MYT1L: variants seen among roughly 807,000 people sequenced by gnomAD.
The protein encoded by MYT1L is myelin transcription factor 1 like.
Under a neutral mutation model 126.7 loss-of-function variants are expected in MYT1L, and 12 were observed. That is an observed-to-expected ratio of 0.09 (90% confidence interval 0.06 to 0.15). The LOEUF (loss-of-function observed/expected upper bound fraction) is 0.15. Ranked by LOEUF, MYT1L falls within the 10% of genes least tolerant of loss-of-function variation. The pLI is 1.00. For missense variants in MYT1L, 979 were observed against 1,585.2 expected (o/e 0.62, Z 6.49); for synonymous variants, 541 against 604.2 (o/e 0.90, Z 1.53).
At chr2:2,164,244 ATTATTTGTC>A (rs1466349643) in intron 3 of MYT1L, among the ~76,000 whole-genome samples, 2 of 151,898 alleles carry the variant, frequency 1.3e-5, no homozygotes, top group Non-Finnish European at 2.9e-5. Context: ...TTATGTCCAT[ATTATTTGTC>A]TTCTGAACCC....
chr2:2,208,174 G>A (rs570113142), intron 2 of MYT1L, among the ~76,000 whole-genome samples: 1 of 152,186 alleles, frequency 6.6e-6, no homozygotes, highest in Admixed American at 6.5e-5. Flanking sequence ...TCATTCACTG[G>A]GGAAGAACTA....
Position 2,041,110 on chromosome 2 carries a change from C to A in MYT1L, c.-158+12868G>T, listed in dbSNP as rs1222619147. Among the ~76,000 whole-genome samples the A allele has an allele frequency of 3.3e-5, 5 of 152,228 alleles. No homozygotes were observed. The East Asian group carries it at 9.6e-4, about 29-fold the overall frequency. On this transcript the variant is annotated intron_variant, in intron 4 of 24. Transcript: ENST00000647738. ...TTTTATCCAGAAAAATGTTACTTAG[C>A]AGATAAATATAAAAATATATTACTG...
chr2:2,243,021 G>A lies in MYT1L; in HGVS notation c.-421+41383C>T, dbSNP rs189972487. Among the ~76,000 whole-genome samples, 345 of 152,254 alleles carry A rather than the reference G, an allele frequency of 2.3e-3. 1 individual carries two copies. Among genetic ancestry groups the A allele is most frequent in the Middle Eastern group, 3.4e-3 (1 of 294 alleles). On this transcript the variant is annotated intron_variant, in intron 2 of 24. Transcript: ENST00000647738. ...TGCAGGGTTCAGGAAGGTGCCCATG[G>A]AATAGGAGGATGGATGGCTATCTGT...
intron 18 of MYT1L, among the ~76,000 whole-genome samples, chr2:1,866,435 A>AGT (rs1283300012): frequency 6.8e-6 from 1 of 147,244 alleles, no homozygotes; most frequent in East Asian, 2.1e-4. Flanking sequence ...AGGCAGAGAG[A>AGT]GAGAGTGGGA....
At chr2:1,988,313 C>T (rs1158057952) in intron 5 of MYT1L, among the ~76,000 whole-genome samples, 1 of 152,228 alleles carries the variant, frequency 6.6e-6, no homozygotes, top group Non-Finnish European at 1.5e-5. Context: ...AGCAGGGCTG[C>T]CTGACCATGC....
chr2:2,230,966 T>C (rs1420525467), intron 2 of MYT1L, among the ~76,000 whole-genome samples: 2 of 152,162 alleles, frequency 1.3e-5, no homozygotes, highest in African/African-American at 4.8e-5. Context: ...GCCACACCAC[T>C]GGCCCAGGCA....
intron 3 of MYT1L, among the ~76,000 whole-genome samples, chr2:2,062,739 G>A (rs1241230330): frequency 1.3e-5 from 2 of 152,150 alleles, no homozygotes; most frequent in African/African-American, 4.8e-5. Context: ...GAGGTCTGAT[G>A]GCGTTTCTCC....
chr2:2,221,347 T>C (rs951281139), intron 2 of MYT1L, among the ~76,000 whole-genome samples: 2 of 152,042 alleles, frequency 1.3e-5, no homozygotes, highest in African/African-American at 2.4e-5. Flanking sequence ...TTAGTCTGAG[T>C]CTGCTGGCCT....
intron 23 of MYT1L, among the ~76,000 whole-genome samples, chr2:1,796,265 G>A (rs1374241494): frequency 1.3e-5 from 2 of 152,192 alleles, no homozygotes; most frequent in African/African-American, 4.8e-5. Flanking sequence ...CCTTGATGGC[G>A]TGATGTGTTT....
intron 3 of MYT1L, among the ~76,000 whole-genome samples, chr2:2,117,559 T>C (rs1273965270): frequency 6.6e-6 from 1 of 152,162 alleles, no homozygotes; most frequent in Non-Finnish European, 1.5e-5. Flanking sequence ...CACTCTGGTA[T>C]TGGGCAGAAC....
chr2:2,294,997 T>TC (rs912720490), intron 1 of MYT1L, among the ~76,000 whole-genome samples: 1 of 152,148 alleles, frequency 6.6e-6, no homozygotes, highest in African/African-American at 2.4e-5. Flanking sequence ...ATCTAGGTAT[T>TC]CAGGCAGAGA....
intron 3 of MYT1L, among the ~76,000 whole-genome samples, chr2:2,147,469 C>G (rs1227684941): frequency 6.6e-6 from 1 of 152,214 alleles, no homozygotes; most frequent in African/African-American, 2.4e-5. Context: ...CATCAGATGC[C>G]ATTCGGCTAT....
chr2:1,984,798 C>T lies in MYT1L; in HGVS notation c.1-5021G>A, dbSNP rs144417254. 2.1e-3 allele frequency among the ~76,000 whole-genome samples: 315 copies of T among 151,936 alleles called. 1 individual carries two copies. Among genetic ancestry groups the T allele is most frequent in the African/African-American group, 7.4e-3 (307 of 41,396 alleles). ...TGCTGGTATTACAGGTGCAAGCCAC[C>T]GTGCCTGGCCAAGAACTAATATTTT... On this transcript the variant is annotated intron_variant, in intron 5 of 24. Transcript: ENST00000647738.
chr2:2,132,163 T>C (rs2082454488), intron 3 of MYT1L, among the ~76,000 whole-genome samples: 1 of 151,912 alleles, frequency 6.6e-6, no homozygotes, highest in East Asian at 1.9e-4. Context: ...CACCTTGACC[T>C]CCCAAAGTGC....
chr2:2,149,726 A>AG (rs1188542301), intron 3 of MYT1L, among the ~76,000 whole-genome samples: 1 of 152,214 alleles, frequency 6.6e-6, no homozygotes, highest in African/African-American at 2.4e-5. Context: ...AAGGAACAGA[A>AG]GTTCCCGAGA....
At chr2:2,214,495 G>A (rs561354641) in intron 2 of MYT1L, among the ~76,000 whole-genome samples, 1 of 152,068 alleles carries the variant, frequency 6.6e-6, no homozygotes, top group South Asian at 2.1e-4. Context: ...AAGGTGTGAA[G>A]GATCAAAGAT....
intron 2 of MYT1L, among the ~76,000 whole-genome samples, chr2:2,238,153 CA>C (rs1157671479): frequency 1.2e-4 from 19 of 152,052 alleles, no homozygotes; most frequent in Non-Finnish European, 2.6e-4. Flanking sequence ...AACATGGGGT[CA>C]GGGGGTGGTG....
intron 1 of MYT1L, among the ~76,000 whole-genome samples, chr2:2,302,820 T>C (rs187477927): frequency 6.6e-6 from 1 of 152,286 alleles, no homozygotes; most frequent in East Asian, 1.9e-4. Flanking sequence ...ACAAAGTCCT[T>C]GAGAGGGGCC....
intron 8 of MYT1L, among the ~76,000 whole-genome samples, chr2:1,960,148 C>T (rs1425290212): frequency 1.3e-5 from 2 of 152,160 alleles, no homozygotes; most frequent in African/African-American, 4.8e-5. Context: ...ATTGTCTACA[C>T]AGGCAGAAAC....
Sources: allele counts gnomAD v4.1 joint callset (sites outside exome capture counted in the v4.1 genomes callset), GRCh38; gene constraint gnomAD v4.1.1; transcripts MANE v1.5; gene names NCBI Gene and HGNC (gene_info 2026-07-23, HGNC 2026-07-21).